Variants in SLC25A51 observed in about 807,000 individuals in gnomAD.
The protein encoded by SLC25A51 is mitochondrial nicotinamide adenine dinucleotide transporter SLC25A51.
Under a neutral mutation model 19.1 loss-of-function variants are expected in SLC25A51, and 11 were observed. The ratio of observed to expected loss-of-function variants is 0.58; its 90% CI spans 0.36 to 0.96. The LOEUF is 0.96. Among genes scored for constraint, SLC25A51 ranks in the 40% least tolerant of loss-of-function variants. SLC25A51 has a pLI of 0.01. For missense variants in SLC25A51, 201 were observed against 365.4 expected, an observed-to-expected ratio of 0.55 and a Z score of 3.67; for synonymous variants, 105 against 133.6, an observed-to-expected ratio of 0.79 and a Z score of 1.47.
chr9:37,897,856 G>C (rs1564071043), intron 2 of SLC25A51, among the ~76,000 whole-genome samples: 1 of 152,020 alleles, frequency 6.6e-6, no homozygotes, highest in Non-Finnish European at 1.5e-5. Flanking sequence ...AACGTTCACT[G>C]ATCAGCTGAG....
downstream of SLC25A51, chr9:37,885,778 T>C: frequency 2.5e-6 from 4 of 1,583,584 alleles, no homozygotes; most frequent in Non-Finnish European, 3.5e-6. Context: ...AACATTTTCA[T>C]GTTTAGTAAA....
intron 2 of SLC25A51, among the ~76,000 whole-genome samples, chr9:37,890,179 T>C (rs940911620): frequency 4.0e-5 from 6 of 151,448 alleles, no homozygotes; most frequent in African/African-American, 1.2e-4. Flanking sequence ...GAATCACGAG[T>C]TTGAGACCAG....
rs573801766 is a variant in SLC25A51 at position 37,903,699 on chromosome 9, T to C, written c.-165+369A>G. The stretch of plus-strand genomic sequence containing the variant: ...CCCTTGCGCGGTGCCATCCCCGCTG[T>C]CCCCCGGGCGCAGGCAGCTCCCGGC... On this transcript the variant is annotated intron_variant, in intron 1 of 2. Coordinates refer to ENST00000242275, the MANE Select transcript of SLC25A51 (RefSeq NM_033412.4). The C allele has an allele frequency of 3.9e-5, 6 of 152,308 alleles. No homozygotes were observed. In the East Asian group the frequency reaches 9.7e-4, roughly 25 times the overall value. 9.4% of individuals were successfully genotyped at this position (152,308 alleles called of 1,614,324 possible).
intron 2 of SLC25A51, among the ~76,000 whole-genome samples, chr9:37,898,994 T>G (rs187719070): frequency 1.0e-3 from 157 of 152,290 alleles, no homozygotes; most frequent in African/African-American, 3.7e-3. Context: ...ACTAATTACC[T>G]ACTTAAATCC....
chr9:37,900,500 C>T (rs1330105618), intron 1 of SLC25A51, among the ~76,000 whole-genome samples: 2 of 151,944 alleles, frequency 1.3e-5, no homozygotes, highest in East Asian at 1.9e-4. Context: ...GACTGGAGTA[C>T]GGTGGTACGA....
intron 2 of SLC25A51, among the ~76,000 whole-genome samples, chr9:37,898,941 G>C (rs574848878): frequency 6.6e-6 from 1 of 152,230 alleles, no homozygotes; most frequent in South Asian, 2.1e-4. Context: ...ACAAACACTG[G>C]AGACAGCCAG....
chr9:37,890,201 T>C (rs1330318956), intron 2 of SLC25A51, among the ~76,000 whole-genome samples: 3 of 151,742 alleles, frequency 2.0e-5, no homozygotes, highest in Admixed American at 6.6e-5. Flanking sequence ...GTGGGCAACA[T>C]AGAGAGATCC....
chr9:37,891,223 T>G (rs552126087), intron 2 of SLC25A51, among the ~76,000 whole-genome samples: 15 of 152,204 alleles, frequency 9.9e-5, no homozygotes, highest in East Asian at 7.7e-4. Flanking sequence ...AGCCGCCCCG[T>G]CCAGGAGGGA....
intron 1 of SLC25A51, among the ~76,000 whole-genome samples, chr9:37,901,043 T>A (rs1411500483): frequency 6.6e-6 from 1 of 152,110 alleles, no homozygotes; most frequent in African/African-American, 2.4e-5. Flanking sequence ...TTTTTGTATG[T>A]TTTGTAGAGA....
intron 2 of SLC25A51, among the ~76,000 whole-genome samples, chr9:37,892,976 G>A (rs781555150): frequency 6.6e-6 from 1 of 152,120 alleles, no homozygotes; most frequent in Non-Finnish European, 1.5e-5. Context: ...CTGACCTCAG[G>A]TGATCCGCCC....
At chr9:37,895,316 C>T (rs1398358706) in intron 2 of SLC25A51, among the ~76,000 whole-genome samples, 2 of 151,702 alleles carry the variant, frequency 1.3e-5, no homozygotes, top group Admixed American at 1.3e-4. Context: ...ACCCTCCTGC[C>T]TCAGCCTCCT....
chr9:37,901,996 AATC>A (rs1294581116), intron 1 of SLC25A51, among the ~76,000 whole-genome samples: 2 of 152,220 alleles, frequency 1.3e-5, no homozygotes, highest in African/African-American at 4.8e-5. Flanking sequence ...AACAATGTTA[AATC>A]AACAAGAATA....
intron 2 of SLC25A51, among the ~76,000 whole-genome samples, chr9:37,882,351 C>A (rs889347875): frequency 2.0e-5 from 3 of 152,204 alleles, no homozygotes; most frequent in Non-Finnish European, 2.9e-5. Flanking sequence ...TGGCTTCACT[C>A]GAAGCCCTCT....
chr9:37,879,138 A>G (rs917048180), downstream of SLC25A51: 2 of 345,372 alleles, frequency 5.8e-6, no homozygotes, highest in Non-Finnish European at 1.2e-5. Context: ...ACATCTGCAC[A>G]TAAAGGACCA....
downstream of SLC25A51, chr9:37,885,755 G>C: frequency 6.7e-7 from 1 of 1,501,072 alleles, no homozygotes; most frequent in East Asian, 2.3e-5. Flanking sequence ...TCACTGTGGA[G>C]CAACATATAG....
chr9:37,880,810 T>C (rs748102522), intron 3 of SLC25A51: 10 of 152,182 alleles, frequency 6.6e-5, no homozygotes, highest in Non-Finnish European at 1.2e-4. Flanking sequence ...CTCTTGGGGA[T>C]TGGGAGTGCT....
chr9:37,890,259 C>G (rs1262057243), intron 2 of SLC25A51, among the ~76,000 whole-genome samples: 1 of 152,094 alleles, frequency 6.6e-6, no homozygotes, highest in East Asian at 1.9e-4. Context: ...TAGCACATGC[C>G]TGTAGCCCCA....
downstream of SLC25A51, among the ~76,000 whole-genome samples, chr9:37,882,666 C>T (rs943579397): frequency 1.1e-4 from 16 of 152,132 alleles, no homozygotes; most frequent in Admixed American, 3.3e-4. Context: ...TGGTGCAGTC[C>T]TGAGGGCTCA....
downstream of SLC25A51, among the ~76,000 whole-genome samples, chr9:37,885,342 TAAAAAAAAAAAAAAAAAA>T (rs60095173): frequency 1.0e-5 from 1 of 99,244 alleles, no homozygotes; most frequent in African/African-American, 3.9e-5. Flanking sequence ...TAGGTAATGA[TAAAAAAAAAAAAAAAAAA>T]AAAAAAAACC....
Sources: gnomAD v4.1 joint callset for allele counts (sites outside exome capture counted in the v4.1 genomes callset) on GRCh38, gnomAD v4.1.1 for gene constraint, MANE v1.5 for transcripts, NCBI Gene and HGNC (gene_info 2026-07-23, HGNC 2026-07-21) for gene names.